The following DIAPH2 variants were observed in gnomAD, a reference collection of about 807,000 sequenced individuals.
DIAPH2 encodes diaphanous related formin 2.
In DIAPH2, 35 loss-of-function variants were observed where a neutral mutation model predicts 92.7. The ratio of observed to expected loss-of-function variants is 0.38; its 90% CI spans 0.29 to 0.50. DIAPH2 has a LOEUF of 0.50. Among genes scored for constraint, DIAPH2 ranks in the 20% least tolerant of loss-of-function variants. DIAPH2 has a pLI of 0.94. For synonymous variants in DIAPH2, 301 were observed against 280.4 expected (o/e 1.07, Z -0.73); for missense variants, 701 against 819.5 (o/e 0.86, Z 1.77).
intron 17 of DIAPH2, among the ~76,000 whole-genome samples, chrX:96,977,087 C>T (rs2065966701): frequency 9.0e-6 from 1 of 110,917 alleles, no homozygotes; most frequent in African/African-American, 3.3e-5. Flanking sequence ...GCTTCTATGC[C>T]CTTAGTAATT....
chrX:97,047,136 G>C (rs768354236), intron 17 of DIAPH2, among the ~76,000 whole-genome samples: 1 of 111,300 alleles, frequency 9.0e-6, no homozygotes, highest in Non-Finnish European at 1.9e-5. Flanking sequence ...GTGACTAGGA[G>C]ATCTGAAGAT....
chrX:97,340,797 A>G (rs1222428049), intron 23 of DIAPH2, among the ~76,000 whole-genome samples: 5 of 107,222 alleles, frequency 4.7e-5, no homozygotes, highest in African/African-American at 1.7e-4. Context: ...CTGGGATTAC[A>G]GGTACCCTCC....
At chrX:97,426,974 C>T (rs2353565) in intron 25 of DIAPH2, among the ~76,000 whole-genome samples, 44,881 of 106,278 alleles carry the variant, frequency 0.42, 8,095 homozygotes, top group Non-Finnish European at 0.56. Flanking sequence ...GTCAGGAGTT[C>T]GAGACCAGCC....
At chrX:97,174,899 G>A (rs1204528359) in intron 22 of DIAPH2, among the ~76,000 whole-genome samples, 1 of 111,795 alleles carries the variant, frequency 8.9e-6, no homozygotes, top group Non-Finnish European at 1.9e-5. Flanking sequence ...CCCCTTAGAG[G>A]ATAGTAACTT....
intron 25 of DIAPH2, among the ~76,000 whole-genome samples, chrX:97,416,325 C>T (rs1350882915): frequency 8.9e-6 from 1 of 111,846 alleles, no homozygotes; most frequent in Admixed American, 9.5e-5. Flanking sequence ...TGTTTTGTAC[C>T]ATGTCATCCT....
intron 1 of DIAPH2, among the ~76,000 whole-genome samples, chrX:96,722,768 C>A (rs2063996753): frequency 9.0e-6 from 1 of 111,539 alleles, no homozygotes; most frequent in Middle Eastern, 4.2e-3. Flanking sequence ...AAAGTTTGAA[C>A]TAAGACCTTG....
At chrX:96,836,832 A>T (rs2064897203) in intron 4 of DIAPH2, among the ~76,000 whole-genome samples, 2 of 90,064 alleles carry the variant, frequency 2.2e-5, no homozygotes, top group Non-Finnish European at 4.3e-5. Flanking sequence ...GGTTCACGCC[A>T]TTCTCCTGCC....
chrX:97,463,545 C>G, intron 26 of DIAPH2, among the ~76,000 whole-genome samples: 1 of 109,747 alleles, frequency 9.1e-6, no homozygotes, highest in Non-Finnish European at 1.9e-5. Flanking sequence ...CACACACTAC[C>G]ACACCTGGCT....
At chrX:96,939,615 C>T (rs1035339193) in intron 12 of DIAPH2, among the ~76,000 whole-genome samples, 1 of 51,424 alleles carries the variant, frequency 1.9e-5, no homozygotes, top group African/African-American at 7.0e-5. Flanking sequence ...CACACACACA[C>T]ATATACACAC....
chrX:97,587,743 C>A lies in DIAPH2; in HGVS notation c.3242-11510C>A, dbSNP rs146769342. Among the ~76,000 whole-genome samples the A allele has an allele frequency of 7.8e-3, 872 of 112,039 alleles. 6 individuals are homozygous for A. The highest frequency in any genetic ancestry group is 0.027 in the African/African-American group (826 of 30,837). ...TGTAATATGATCGTGATGCTAAAATCTTTGGAATTTGGCTCTCACAATATC... is the reference window on the plus strand; with the variant it reads ...TGTAATATGATCGTGATGCTAAAATATTTGGAATTTGGCTCTCACAATATC... On this transcript the variant is annotated intron_variant, in intron 26 of 26. Coordinates refer to ENST00000324765, the MANE Select transcript of DIAPH2 (RefSeq NM_006729.5).
At chrX:96,917,744 C>A (rs2065514529) in intron 8 of DIAPH2, among the ~76,000 whole-genome samples, 1 of 110,837 alleles carries the variant, frequency 9.0e-6, no homozygotes, top group Non-Finnish European at 1.9e-5. Flanking sequence ...ATACATTCTT[C>A]TTTAATCACC....
intron 4 of DIAPH2, among the ~76,000 whole-genome samples, chrX:96,870,497 C>T (rs1448324587): frequency 5.7e-5 from 6 of 105,845 alleles, no homozygotes; most frequent in African/African-American, 1.7e-4. Context: ...AGGATGGTCT[C>T]GATCTCCCGA....
Position 97,405,358 on chromosome X carries a change from C to T in DIAPH2, c.3145+21314C>T, listed in dbSNP as rs184132735. On this transcript the variant is annotated intron_variant, in intron 25 of 26. Coordinates refer to ENST00000324765, the MANE Select transcript of DIAPH2 (RefSeq NM_006729.5). ...CAGAGTTTTGGGAGATCTTGCAAAACGGTTCCTAAGCTTTAGGGAAAGAAG... is the reference window on the plus strand; with the variant it reads ...CAGAGTTTTGGGAGATCTTGCAAAATGGTTCCTAAGCTTTAGGGAAAGAAG... 7.2e-5 allele frequency among the ~76,000 whole-genome samples: 8 copies of T among 111,843 alleles called. No homozygotes were observed. The East Asian group carries it at 1.4e-3, about 20-fold the overall frequency.
At chrX:96,989,948 T>A (rs755714994) in intron 17 of DIAPH2, among the ~76,000 whole-genome samples, 44 of 112,302 alleles carry the variant, frequency 3.9e-4, no homozygotes, top group African/African-American at 1.3e-3. Flanking sequence ...CATGCATATG[T>A]ATGTGGAAGG....
intron 23 of DIAPH2, among the ~76,000 whole-genome samples, chrX:97,317,707 ACTC>A (rs955731082): frequency 2.7e-5 from 3 of 111,448 alleles, no homozygotes; most frequent in African/African-American, 9.8e-5. Context: ...TAATGCCACT[ACTC>A]TTCAAATGCA....
intron 26 of DIAPH2, among the ~76,000 whole-genome samples, chrX:97,434,457 G>A (rs1202389504): frequency 1.9e-5 from 2 of 103,180 alleles, no homozygotes; most frequent in Non-Finnish European, 3.9e-5. Context: ...TCCCCAGGCT[G>A]AAGTGCAGTG....
intron 26 of DIAPH2, among the ~76,000 whole-genome samples, chrX:97,438,487 T>C (rs1254346343): frequency 9.5e-6 from 1 of 105,050 alleles, no homozygotes; most frequent in African/African-American, 3.5e-5. Flanking sequence ...CACCTCAGCC[T>C]TCTGTGTAAC....
At chrX:96,854,596 CT>C (rs1416004691) in intron 4 of DIAPH2, among the ~76,000 whole-genome samples, 30 of 60,655 alleles carry the variant, frequency 4.9e-4, no homozygotes, top group South Asian at 1.0e-3. Flanking sequence ...CTCTCTCTCT[CT>C]CATATATATA....
intron 4 of DIAPH2, among the ~76,000 whole-genome samples, chrX:96,816,848 A>G (rs923364762): frequency 2.7e-5 from 3 of 112,651 alleles, no homozygotes; most frequent in African/African-American, 9.7e-5. Flanking sequence ...AGATGAATGC[A>G]TAAAGAAAAT....
Sources: gnomAD v4.1 joint callset for allele counts (sites outside exome capture counted in the v4.1 genomes callset) on GRCh38, gnomAD v4.1.1 for gene constraint, MANE v1.5 for transcripts, NCBI Gene and HGNC (gene_info 2026-07-23, HGNC 2026-07-21) for gene names.